ADGRL3: variants seen among roughly 807,000 people sequenced by gnomAD.
The protein encoded by ADGRL3 is calcium-independent alpha-latrotoxin receptor 3.
In ADGRL3, 62 loss-of-function variants were observed where a neutral mutation model predicts 153.5. The observed-to-expected ratio is 0.40, with a 90% CI of 0.33 to 0.50. The LOEUF (loss-of-function observed/expected upper bound fraction) is 0.50. ADGRL3 is among the 20% of genes least tolerant of loss of function. The pLI is 0.47. For missense variants in ADGRL3, 1,641 were observed against 1,859.4 expected, an observed-to-expected ratio of 0.88 and a Z score of 2.16; for synonymous variants, 710 against 672.5, an observed-to-expected ratio of 1.06 and a Z score of -0.86.
rs548057104 is a variant in ADGRL3, at chr4:61,540,576, G to GA, written c.259+23067dup. Among the ~76,000 whole-genome samples, 118 of 150,420 alleles carry GA rather than the reference G, an allele frequency of 7.8e-4. 1 individual carries two copies. Among genetic ancestry groups the GA allele is most frequent in the East Asian group, 6.5e-3 (33 of 5,102 alleles). ...AAAAAAAGAAAAGAAAAGAAAAAAA[G>GA]AAAAAAAAATACAATGGATTTTCTT... On this transcript the variant is annotated intron_variant, in intron 4 of 26. Coordinates refer to ENST00000683033, the MANE Select transcript of ADGRL3 (RefSeq NM_001387552.1).
intron 11 of ADGRL3, among the ~76,000 whole-genome samples, chr4:61,904,776 T>C (rs1308059727): frequency 1.3e-5 from 2 of 152,182 alleles, no homozygotes; most frequent in African/African-American, 4.8e-5. Flanking sequence ...ATAATGATCA[T>C]CGATAGATGT....
At chr4:61,776,578 T>TA (rs1047506882) in intron 8 of ADGRL3, among the ~76,000 whole-genome samples, 2 of 152,168 alleles carry the variant, frequency 1.3e-5, no homozygotes, top group African/African-American at 2.4e-5. Flanking sequence ...TACTGAATTT[T>TA]AAAAAATATA....
At chr4:61,361,453 G>C (rs1435142657) in intron 1 of ADGRL3, among the ~76,000 whole-genome samples, 1 of 152,140 alleles carries the variant, frequency 6.6e-6, no homozygotes, top group East Asian at 1.9e-4. Context: ...AGAAAGTAAA[G>C]AGTAAAATGA....
At chr4:61,246,890 T>C (rs2149390123) in intron 1 of ADGRL3, among the ~76,000 whole-genome samples, 1 of 152,080 alleles carries the variant, frequency 6.6e-6, no homozygotes, top group Non-Finnish European at 1.5e-5. Context: ...TAAGATTTAC[T>C]AGGATTACTG....
At chr4:62,027,431 G>A (rs1719345300) in intron 21 of ADGRL3, among the ~76,000 whole-genome samples, 1 of 151,948 alleles carries the variant, frequency 6.6e-6, no homozygotes, top group Non-Finnish European at 1.5e-5. Flanking sequence ...TGATATGACT[G>A]AGGAACTGAA....
intron 6 of ADGRL3, among the ~76,000 whole-genome samples, chr4:61,687,714 G>T (rs954912141): frequency 6.6e-6 from 1 of 151,872 alleles, no homozygotes; most frequent in South Asian, 2.1e-4. Context: ...CAAAAATACT[G>T]AATGGGTAAA....
chr4:61,743,213 A>G (rs1326647462), intron 8 of ADGRL3, among the ~76,000 whole-genome samples: 3 of 151,310 alleles, frequency 2.0e-5, no homozygotes, highest in African/African-American at 7.3e-5. Flanking sequence ...CTAGCTACTC[A>G]GGAAGCTGTG....
chr4:62,051,125 A>T (rs1048766276), intron 25 of ADGRL3, among the ~76,000 whole-genome samples: 5 of 142,686 alleles, frequency 3.5e-5, no homozygotes, highest in African/African-American at 1.3e-4. Context: ...ATGTGTATAT[A>T]TATGTGTGTA....
At chr4:61,865,873 T>C (rs551203354) in intron 9 of ADGRL3, among the ~76,000 whole-genome samples, 25 of 152,192 alleles carry the variant, frequency 1.6e-4, no homozygotes, top group Non-Finnish European at 3.1e-4. Context: ...CATAGGAAGA[T>C]GGATAAAGAT....
intron 1 of ADGRL3, among the ~76,000 whole-genome samples, chr4:61,307,583 T>G (rs1032407838): frequency 6.6e-6 from 1 of 152,168 alleles, no homozygotes; most frequent in East Asian, 1.9e-4. Context: ...TTATTCACTC[T>G]GTGACAGATA....
chr4:61,861,739 C>T (rs551053610), intron 9 of ADGRL3, among the ~76,000 whole-genome samples: 5 of 152,158 alleles, frequency 3.3e-5, no homozygotes, highest in East Asian at 2.0e-4. Context: ...ACCATGTCTA[C>T]GGACACAGCC....
In ADGRL3 at chr4:61,767,171, C is replaced by T. The variant is rs912050012; in HGVS notation, c.1399+33617C>T. 5.3e-5 allele frequency among the ~76,000 whole-genome samples: 8 copies of T among 151,742 alleles called. No homozygotes were observed. The South Asian group carries it at 1.2e-3, about 24-fold the overall frequency. On this transcript the variant is annotated intron_variant, in intron 8 of 26. Transcript: ENST00000683033. Reference sequence around the variant, plus strand: ...AAGGTTGGGGGATACAAGAGGAGGACCCAAAGGAGGCTTTGGATTGGGAAG... The same window carrying T: ...AAGGTTGGGGGATACAAGAGGAGGATCCAAAGGAGGCTTTGGATTGGGAAG...
At chr4:61,816,245 A>G (rs2097687417) in intron 9 of ADGRL3, among the ~76,000 whole-genome samples, 1 of 152,210 alleles carries the variant, frequency 6.6e-6, no homozygotes, top group South Asian at 2.1e-4. Flanking sequence ...GTGACTTAAA[A>G]CAAGAAATAT....
At chr4:61,522,972 C>T (rs1385165956) in intron 4 of ADGRL3, among the ~76,000 whole-genome samples, 2 of 151,976 alleles carry the variant, frequency 1.3e-5, no homozygotes, top group Non-Finnish European at 2.9e-5. Context: ...AGTGATTTTC[C>T]CCCACTTTCA....
intron 17 of ADGRL3, among the ~76,000 whole-genome samples, chr4:61,963,008 G>C (rs2098993633): frequency 6.6e-6 from 1 of 152,066 alleles, no homozygotes; most frequent in Admixed American, 6.6e-5. Context: ...ACATGGGAAA[G>C]AGCTTTACCT....
At chr4:61,706,110 T>G (rs1201590957) in intron 6 of ADGRL3, among the ~76,000 whole-genome samples, 1 of 152,150 alleles carries the variant, frequency 6.6e-6, no homozygotes, top group Non-Finnish European at 1.5e-5. Flanking sequence ...AAGTCCTAGA[T>G]GGTATCTACT....
intron 8 of ADGRL3, among the ~76,000 whole-genome samples, chr4:61,808,924 A>G (rs921119407): frequency 5.3e-5 from 8 of 151,940 alleles, no homozygotes; most frequent in African/African-American, 1.7e-4. Flanking sequence ...ATTGTAGTAG[A>G]GCAGAGAGAT....
At chr4:61,895,364 G>T (rs1690923921) in intron 10 of ADGRL3, among the ~76,000 whole-genome samples, 1 of 152,054 alleles carries the variant, frequency 6.6e-6, no homozygotes. Flanking sequence ...TACTTGGGAG[G>T]CTGAGGCAGG....
intron 1 of ADGRL3, among the ~76,000 whole-genome samples, chr4:61,214,933 G>A (rs1272924786): frequency 6.6e-6 from 1 of 151,728 alleles, no homozygotes; most frequent in African/African-American, 2.4e-5. Flanking sequence ...GTGAGACCTT[G>A]ACTATTAAAA....
Sources: allele counts gnomAD v4.1 joint callset (sites outside exome capture counted in the v4.1 genomes callset), GRCh38; gene constraint gnomAD v4.1.1; transcripts MANE v1.5; gene names NCBI Gene and HGNC (gene_info 2026-07-23, HGNC 2026-07-21).